Variants in FRS3 observed in about 807,000 individuals in gnomAD.
FRS3 encodes the protein FGFR substrate 3.
A neutral mutation model predicts 41.9 loss-of-function variants in FRS3; 17 were observed. That is an observed-to-expected ratio of 0.41 (90% CI 0.28 to 0.61). The LOEUF is 0.61. Ranked by LOEUF, FRS3 falls within the 20% of genes least tolerant of loss-of-function variation. The probability of loss-of-function intolerance (pLI) is 0.36; values close to 1 mark genes in which losing one functional copy is unlikely to be tolerated. For synonymous variants in FRS3, 287 were observed against 274.5 expected, an observed-to-expected ratio of 1.05 and a Z score of -0.45; for missense variants, 619 against 672.1, an observed-to-expected ratio of 0.92 and a Z score of 0.87.
At chr6:41,771,993 AG>A in intron 5 of FRS3, 29 bp from the exon 6 acceptor site, 1 of 1,497,112 alleles carries the variant, frequency 6.7e-7, no homozygotes. Context: ...AGCCCAGGAG[AG>A]GGGAACTTAA....
At position 41,771,432 on chromosome 6, in the gene FRS3, C is replaced by T. The variant is rs774960801; in HGVS notation, c.666G>A (p.Gln222=). 1.9e-6 allele frequency: 3 copies of T among 1,612,178 alleles called. No individual in the cohort carries two copies. Among genetic ancestry groups the T allele is most frequent in the Non-Finnish European group, 2.5e-6 (3 of 1,179,060 alleles). Residue 222 remains glutamine (Q), a synonymous_variant, in exon 7 of 7, where the codon CAG becomes CAA. Coordinates refer to ENST00000373018, the MANE Select transcript of FRS3 (RefSeq NM_006653.5). ...GGTCCCGTTGGTCAGGTCCCCGGGC[C>T]TGCGGGAGGAAGGGTGCCTGACCCT... ...LPEGQAPFLP[Q]ARGPDQRDPQ... is the part of the protein sequence containing the mutation.
rs373451404 is a variant in FRS3 at position 41,771,044 on chromosome 6, C to T, written c.1054G>A (p.Gly352Arg). 10 of 1,611,168 alleles carry T rather than the reference C, an allele frequency of 6.2e-6. No individual in the cohort carries two copies. Among genetic ancestry groups the T allele is most frequent in the Admixed American group, 3.3e-5 (2 of 59,914 alleles). The change falls in exon 7 of 7, where the codon GGG (glycine) becomes AGG (arginine). Residue 352 changes from glycine (G) to arginine (R), a missense_variant. Gly to Arg is a moderately radical substitution (Grantham distance 125, BLOSUM62 -2). This residue lies in a region of FRS3 where 487 missense variants were observed against 478.3 expected (regional missense o/e 1.02). Coordinates refer to ENST00000373018, the MANE Select transcript of FRS3 (RefSeq NM_006653.5). ...AAGCCATTGGAAGAGGGTGTGAGCC[C>T]ATCCCTCGAGTCCCCATCATCCCCA... ...EAGDDGDSRD[G>R]LTPSSNGFPD... is the part of the protein sequence containing the mutation.
intron 4 of FRS3, among the ~76,000 whole-genome samples, chr6:41,773,804 G>A (rs981016588): frequency 2.0e-5 from 3 of 151,688 alleles, no homozygotes; most frequent in African/African-American, 7.3e-5. Context: ...CCTCGGAGGT[G>A]GAGGGTGCAG....
At chr6:41,774,399 T>C (rs1772369969) in intron 4 of FRS3, among the ~76,000 whole-genome samples, 1 of 152,290 alleles carries the variant, frequency 6.6e-6, no homozygotes, top group Non-Finnish European at 1.5e-5. Context: ...CTTCACTTAT[T>C]AGCCCAGTGT....
Position 41,771,909 on chromosome 6 carries a change from T to C in FRS3, c.471A>G (p.Arg157=). The change falls in exon 6 of 7, where the codon CGA becomes CGG. Residue 157 remains arginine, a synonymous_variant. Transcript: ENST00000373018. ...TCGAGAGCCGCCGGGGAGCTGAGAA[T>C]CGTGGGCCCTCTCCAGGGCAGCCAT... is the stretch of plus-strand genomic sequence containing the variant. ...FSNGCPGEGP[R]FSAPRRLSTS... 1 of 1,558,000 alleles carries C rather than the reference T, an allele frequency of 6.4e-7. No homozygotes were observed. The highest frequency in any genetic ancestry group is 8.7e-7 in the Non-Finnish European group (1 of 1,150,706).
rs201048548 is a variant in FRS3, at chr6:41,771,146, C to A, written c.952G>T (p.Ala318Ser). Reference protein sequence around the residue: ...GWNGLAHRRAALLHYENLPPL... With the variant: ...GWNGLAHRRASLLHYENLPPL... ...GGCAGGTTCTCATAGTGCAGCAGGG[C>A]GGCCCGGCGGTGGGCAAGGCCATTC... is the stretch of plus-strand genomic sequence containing the variant. Residue 318 changes from alanine to serine, a missense_variant, in exon 7 of 7, where the codon GCC becomes TCC. Ala to Ser is a moderately conservative substitution (Grantham distance 99). This residue lies in a region of FRS3 where 487 missense variants were observed against 478.3 expected (regional missense o/e 1.02). Transcript: ENST00000373018. The A allele has an allele frequency of 1.3e-6, 2 of 1,558,046 alleles. No individual in the cohort carries two copies. The highest frequency in any genetic ancestry group is 1.7e-6 in the Non-Finnish European group (2 of 1,149,212).
intron 4 of FRS3, 99 bp downstream of exon 4, chr6:41,775,320 G>T: frequency 2.3e-6 from 2 of 876,844 alleles, no homozygotes; most frequent in Non-Finnish European, 3.4e-6. Context: ...CACAGGTGAT[G>T]GGGATAACAC....
At chr6:41,777,192 G>A (rs375050758) in intron 2 of FRS3, among the ~76,000 whole-genome samples, 182 bp from the exon 3 acceptor site, 1 of 152,202 alleles carries the variant, frequency 6.6e-6, no homozygotes, top group Non-Finnish European at 1.5e-5. Context: ...TTGGATAAAC[G>A]TTAATTCAAG....
chr6:41,773,847 G>A (rs560257447), intron 4 of FRS3, among the ~76,000 whole-genome samples: 8 of 151,828 alleles, frequency 5.3e-5, no homozygotes, highest in African/African-American at 1.7e-4. Flanking sequence ...ACTTCAGCCT[G>A]GGTGACAGAG....
Position 41,771,003 on chromosome 6 carries a change from C to A in FRS3, c.1095G>T (p.Glu365Asp). The change falls in exon 7 of 7, where the codon GAG (glutamate) becomes GAT (aspartate). Residue 365 changes from glutamate (E) to aspartate (D), a missense_variant. Coordinates refer to ENST00000373018, the MANE Select transcript of FRS3 (RefSeq NM_006653.5). ...TGGGCTTCTGCAGTGGGGTCTCGTC[C>A]TCCTCACCATCAGGGAAGCCATTGG... ...PSSNGFPDGE[E>D]DETPLQKPTS... is the part of the protein sequence containing the mutation. 3 of 1,613,118 alleles carry A rather than the reference C, an allele frequency of 1.9e-6. No homozygotes were observed. The highest frequency in any genetic ancestry group is 2.2e-5 in the East Asian group (1 of 44,852).
At chr6:41,772,113 C>T (rs1238219375) in intron 5 of FRS3, 149 bp from the exon 6 acceptor site, 1 of 621,216 alleles carries the variant, frequency 1.6e-6, no homozygotes, top group Non-Finnish European at 2.7e-6. Context: ...GAGCCACCAG[C>T]CCCCCATTAT....
In FRS3 at chr6:41,771,380, C is replaced by G; in HGVS notation, c.718G>C (p.Val240Leu). 1 of 1,613,748 alleles carries G rather than the reference C, an allele frequency of 6.2e-7. No homozygotes were observed. The highest frequency in any genetic ancestry group is 1.1e-5 in the South Asian group (1 of 90,982). ...DPQVFLQPGQ[V>L]KFVLGPTPAR... ...GGGGTCGGGCCCAACACAAACTTCA[C>G]CTGGCCTGGCTGCAAGAACACCTGT... Residue 240 changes from valine (V) to leucine (L), a missense_variant, in exon 7 of 7, where the codon GTG (valine) becomes CTG (leucine). Coordinates refer to ENST00000373018, the MANE Select transcript of FRS3 (RefSeq NM_006653.5).
At position 41,771,108 on chromosome 6, in the gene FRS3, A is replaced by AGGGGGCAGT. The variant is rs1561889960; in HGVS notation, c.981_989dup (p.Leu328_Pro330dup). The AGGGGGCAGT allele has an allele frequency of 6.3e-7, 1 of 1,586,480 alleles. No individual in the cohort carries two copies. On this transcript the variant is annotated inframe_insertion, in exon 7 of 7. Coordinates refer to ENST00000373018, the MANE Select transcript of FRS3 (RefSeq NM_006653.5). ...GCTGCTGGGCTTGGCTTTCCCACAC[A>AGGGGGCAGT]GGGGGCAGTGGGGGCAGGTTCTCAT... is the stretch of plus-strand genomic sequence containing the variant.
At chr6:41,773,938 A>G (rs1425781157) in intron 4 of FRS3, among the ~76,000 whole-genome samples, 1 of 152,024 alleles carries the variant, frequency 6.6e-6, no homozygotes, top group Non-Finnish European at 1.5e-5. Flanking sequence ...ATAGTATTAG[A>G]TGAGTGAACA....
At chr6:41,779,678 C>T (rs1343216202) in intron 1 of FRS3, 138 bp downstream of exon 1, 1 of 152,238 alleles carries the variant, frequency 6.6e-6, no homozygotes, top group African/African-American at 2.4e-5. Context: ...ATCCCCGCCC[C>T]CAGCCCCGGT....
At chr6:41,776,897 C>G (rs200104978) in intron 3 of FRS3, 25 bp downstream of exon 3, 1 of 1,595,384 alleles carries the variant, frequency 6.3e-7, no homozygotes, top group Non-Finnish European at 8.6e-7. Context: ...GTTGGGAACA[C>G]AGGAGAGGAG....
intron 1 of FRS3, among the ~76,000 whole-genome samples, chr6:41,779,567 G>T (rs1171986574): frequency 1.3e-5 from 2 of 151,960 alleles, no homozygotes; most frequent in Non-Finnish European, 2.9e-5. Context: ...GTAGAGGTGG[G>T]TTGGGGGAGC....
At chr6:41,771,790 C>A in intron 6 of FRS3, 26 bp downstream of exon 6, 1 of 1,547,360 alleles carries the variant, frequency 6.5e-7, no homozygotes, top group Non-Finnish European at 8.7e-7. Context: ...ACCAACAGGG[C>A]AGGGGCTGGC....
rs747282093 is a variant in FRS3, at chr6:41,770,872, G to A, written c.1226C>T (p.Pro409Leu). 1.9e-6 allele frequency: 3 copies of A among 1,609,320 alleles called. No homozygotes were observed. Among genetic ancestry groups the A allele is most frequent in the Non-Finnish European group, 2.5e-6 (3 of 1,179,922 alleles). Residue 409 changes from proline to leucine, a missense_variant, in exon 7 of 7, where the codon CCC (proline) becomes CTC (leucine). This residue lies in a region of FRS3 where 487 missense variants were observed against 478.3 expected (regional missense o/e 1.02). Transcript: ENST00000373018. ...VFNFDFRRPG[P>L]EPPRQLNYIQ... ...GTAGTTAAGCTGCCTTGGGGGCTCG[G>A]GCCCCGGCCGGCGGAAATCAAAGTT...
Sources: gnomAD v4.1 joint callset for allele counts (sites outside exome capture counted in the v4.1 genomes callset) on GRCh38, gnomAD v4.1.1 for gene constraint, gnomAD v4.1.1 regional missense constraint, MANE v1.5 for transcripts, NCBI Gene and HGNC (gene_info 2026-07-23, HGNC 2026-07-21) for gene names.